Variants in EMP2 observed in about 807,000 individuals in gnomAD.
EMP2 encodes the protein epithelial membrane protein 2.
A neutral mutation model predicts 13.7 loss-of-function variants in EMP2; 19 were observed. That is an observed-to-expected ratio of 1.38 (90% CI 0.97 to 2.03). The LOEUF (loss-of-function observed/expected upper bound fraction) is 2.03. Among genes scored for constraint, EMP2 ranks in the 30% most tolerant of loss-of-function variants. The pLI is 0.00. For synonymous variants in EMP2, 97 were observed against 84.7 expected (o/e 1.15, Z -0.80); for missense variants, 253 against 220.7 (o/e 1.15, Z -0.93).
chr16:10,537,147 A>G (rs1354166451), intron 4 of EMP2, among the ~76,000 whole-genome samples: 1 of 152,202 alleles, frequency 6.6e-6, no homozygotes, highest in Non-Finnish European at 1.5e-5. Flanking sequence ...CTGATTGGAA[A>G]GCACCCTAGA....
At chr16:10,561,282 A>G (rs1359998886) in intron 1 of EMP2, among the ~76,000 whole-genome samples, 1 of 152,200 alleles carries the variant, frequency 6.6e-6, no homozygotes, top group African/African-American at 2.4e-5. Flanking sequence ...AATTGGTGAC[A>G]TGGTAGAAAT....
chr16:10,573,166 C>T (rs1236989672), intron 1 of EMP2, among the ~76,000 whole-genome samples: 1 of 152,228 alleles, frequency 6.6e-6, no homozygotes, highest in African/African-American at 2.4e-5. Flanking sequence ...CCTCCCACCT[C>T]AGCCTTCAGA....
At chr16:10,579,449 C>A (rs1323179319) in intron 1 of EMP2, among the ~76,000 whole-genome samples, 1 of 152,122 alleles carries the variant, frequency 6.6e-6, no homozygotes, top group Non-Finnish European at 1.5e-5. Context: ...AATACCTTCA[C>A]GATACTGTGT....
intron 3 of EMP2, among the ~76,000 whole-genome samples, chr16:10,543,089 A>C (rs1208131002): frequency 3.3e-5 from 5 of 152,136 alleles, no homozygotes; most frequent in Non-Finnish European, 7.3e-5. Flanking sequence ...CAAGTGATCC[A>C]TCCGCCTCTG....
At chr16:10,565,759 G>A (rs2050903064) in intron 1 of EMP2, among the ~76,000 whole-genome samples, 1 of 152,258 alleles carries the variant, frequency 6.6e-6, no homozygotes, top group Middle Eastern at 3.4e-3. Flanking sequence ...CAGATGCTGA[G>A]CCAGCACCAT....
chr16:10,558,175 G>C (rs1422547192), intron 1 of EMP2, among the ~76,000 whole-genome samples: 1 of 151,944 alleles, frequency 6.6e-6, no homozygotes, highest in African/African-American at 2.4e-5. Flanking sequence ...GACTACAGCT[G>C]TGCACCACCA....
At chr16:10,541,922 TTAAG>T (rs1012794369) in intron 3 of EMP2, among the ~76,000 whole-genome samples, 56 of 152,256 alleles carry the variant, frequency 3.7e-4, no homozygotes, top group African/African-American at 1.3e-3. Context: ...ACAGTAAACT[TTAAG>T]TAAATGGTGC....
rs144013890 is a variant in EMP2, at chr16:10,542,399, AAAAC to A, written c.169+1167_169+1170del. ...GGTGACAGAGTGAGACCCTGTCTCA[AAAAC>A]AAACAAACAAACAAACAAAAACCAA... On this transcript the variant is annotated intron_variant, in intron 3 of 4. Transcript: ENST00000359543. 6.5e-3 allele frequency among the ~76,000 whole-genome samples: 980 copies of A among 151,384 alleles called. 9 individuals are homozygous for A. The highest frequency in any genetic ancestry group is 0.019 in the African/African-American group (776 of 41,106).
chr16:10,568,332 T>C lies in EMP2; in HGVS notation c.-61+12217A>G, dbSNP rs995917399. Among the ~76,000 whole-genome samples, 5 of 152,346 alleles carry C rather than the reference T, an allele frequency of 3.3e-5. No homozygotes were observed. The East Asian group carries it at 5.8e-4, about 18-fold the overall frequency. ...GTTCCTGGTGAATTGAGGTCAAGTA[T>C]AGCATATACACCAATATATGTATTT... On this transcript the variant is annotated intron_variant, in intron 1 of 4. Coordinates refer to ENST00000359543, the MANE Select transcript of EMP2 (RefSeq NM_001424.6).
chr16:10,533,038 T>C lies in EMP2; in HGVS notation c.371A>G (p.His124Arg). The C allele has an allele frequency of 6.2e-7, 1 of 1,611,422 alleles. No homozygotes were observed. Among genetic ancestry groups the C allele is most frequent in the Non-Finnish European group, 8.5e-7 (1 of 1,178,764 alleles). ...SIYTDRREDI[H>R]DKNAKFYPVT... is the part of the protein sequence containing the mutation. Reference sequence around the variant, plus strand: ...GGGATAGAATTTCGCGTTTTTGTCGTGAATGTCTTCACGCCTGTCTGTATA... The same window carrying C: ...GGGATAGAATTTCGCGTTTTTGTCGCGAATGTCTTCACGCCTGTCTGTATA... Residue 124 changes from histidine to arginine, a missense_variant, in exon 5 of 5, where the codon CAC becomes CGC. Physicochemically the swap from His to Arg is conservative, Grantham distance 29. Coordinates refer to ENST00000359543, the MANE Select transcript of EMP2 (RefSeq NM_001424.6).
rs1393642175 is a variant in EMP2 at position 10,580,066 on chromosome 16, C to T, written c.-61+483G>A. On this transcript the variant is annotated intron_variant, in intron 1 of 4. Transcript: ENST00000359543. The surrounding 1 kb of genome is among the most constrained non-coding windows in gnomAD (Gnocchi z 4.3). ...ACCGTTCCTGACCCCCAAGAAGTCG[C>T]TCCTCGCCGCTCGGGGGCGCGACGG... is the stretch of plus-strand genomic sequence containing the variant. 6.6e-6 allele frequency among the ~76,000 whole-genome samples: 1 copy of T among 152,182 alleles called. No individual in the cohort carries two copies. The highest frequency in any genetic ancestry group is 2.4e-5 in the African/African-American group (1 of 41,458).
chr16:10,565,887 C>T (rs2050903861), intron 1 of EMP2, among the ~76,000 whole-genome samples: 1 of 152,180 alleles, frequency 6.6e-6, no homozygotes, highest in Non-Finnish European at 1.5e-5. Context: ...CTTGCCTGTC[C>T]CACTGGAGTG....
intron 1 of EMP2, among the ~76,000 whole-genome samples, chr16:10,571,022 G>A (rs1212602461): frequency 6.6e-6 from 1 of 151,720 alleles, no homozygotes; most frequent in Admixed American, 6.6e-5. Context: ...ACTTTGGGAG[G>A]CTGAGGCGGG....
At chr16:10,574,028 C>T (rs1352821341) in intron 1 of EMP2, among the ~76,000 whole-genome samples, 4 of 146,344 alleles carry the variant, frequency 2.7e-5, no homozygotes, top group African/African-American at 1.0e-4. Context: ...ACCCCCATCT[C>T]CTGGGTTCAA....
rs557378676 is a variant in EMP2, at chr16:10,541,345, AT to A, written c.169+2224del. ...TTCAGTAGAGGGACAGACAGTGAAT[AT>A]TTTAGGTTTTGTGAACCATATGGTC... On this transcript the variant is annotated intron_variant, in intron 3 of 4. Transcript: ENST00000359543. Among the ~76,000 whole-genome samples the A allele has an allele frequency of 7.9e-5, 12 of 152,286 alleles. No individual in the cohort carries two copies. The East Asian group carries it at 2.3e-3, about 29-fold the overall frequency.
intron 2 of EMP2, among the ~76,000 whole-genome samples, chr16:10,543,959 G>A (rs113922701): frequency 0.019 from 2,812 of 151,870 alleles, 86 homozygotes; most frequent in South Asian, 0.11. Context: ...TCTTGGGCTC[G>A]AGCAATCCTC....
rs997758743 is a variant in EMP2 at position 10,531,576 on chromosome 16, C to G, written c.*1329G>C. The G allele has an allele frequency of 2.0e-5, 3 of 149,954 alleles. No homozygotes were observed. Among genetic ancestry groups the G allele is most frequent in the African/African-American group, 4.9e-5 (2 of 40,690 alleles). The allele number at this position is 149,954 out of a possible 1,614,324, so 9.3% of individuals were successfully genotyped here. On this transcript the variant is annotated 3_prime_UTR_variant, in exon 5 of 5. Coordinates refer to ENST00000359543, the MANE Select transcript of EMP2 (RefSeq NM_001424.6). ...AACTCCTGACCTCAGGTGATCCACC[C>G]GCCTCAGCCTCCCAAAGTGCTGGGA...
chr16:10,536,859 A>G (rs1048521786), intron 4 of EMP2, among the ~76,000 whole-genome samples: 2 of 152,154 alleles, frequency 1.3e-5, no homozygotes, highest in Non-Finnish European at 2.9e-5. Flanking sequence ...GGGCTCAAGC[A>G]GTCCTCCTGC....
chr16:10,560,344 G>GC (rs1157637344), intron 1 of EMP2, among the ~76,000 whole-genome samples: 2 of 152,204 alleles, frequency 1.3e-5, no homozygotes, highest in African/African-American at 4.8e-5. Context: ...ACCGCCGCAC[G>GC]CAGGGTAGTA....
Sources: allele counts gnomAD v4.1 joint callset (sites outside exome capture counted in the v4.1 genomes callset), GRCh38; gene constraint gnomAD v4.1.1; non-coding constraint Gnocchi (gnomAD v3.1); transcripts MANE v1.5; gene names NCBI Gene and HGNC (gene_info 2026-07-23, HGNC 2026-07-21).